The following CMIP variants were observed in gnomAD, a reference collection of about 807,000 sequenced individuals.
CMIP encodes C-Maf-inducing protein.
A neutral mutation model predicts 97.3 loss-of-function variants in CMIP; 13 were observed. The ratio of observed to expected loss-of-function variants is 0.13; its 90% CI spans 0.09 to 0.21. CMIP has a LOEUF of 0.21. Among genes scored for constraint, CMIP ranks in the 10% least tolerant of loss-of-function variants. The pLI, the probability that CMIP is intolerant of heterozygous loss-of-function variation, is 1.00. For synonymous variants in CMIP, 538 were observed against 436.3 expected (o/e 1.23, Z -2.91); for missense variants, 847 against 1,024.9 (o/e 0.83, Z 2.37).
At chr16:81,454,231 C>T (rs1906409539) in intron 1 of CMIP, among the ~76,000 whole-genome samples, 2 of 152,174 alleles carry the variant, frequency 1.3e-5, no homozygotes, top group African/African-American at 4.8e-5. Context: ...GTGCCGGGCA[C>T]AGTGCTCATT....
chr16:81,487,402 G>C (rs576983175), intron 1 of CMIP, among the ~76,000 whole-genome samples: 5 of 152,292 alleles, frequency 3.3e-5, no homozygotes, highest in Admixed American at 3.3e-4. Context: ...CTCCACTCCC[G>C]AGGCCCCAGA....
At chr16:81,605,892 C>G (rs1468730157) in intron 1 of CMIP, among the ~76,000 whole-genome samples, 1 of 152,218 alleles carries the variant, frequency 6.6e-6, no homozygotes, top group East Asian at 1.9e-4. Context: ...AAATGTCTGT[C>G]AGATGAATGA....
intron 1 of CMIP, among the ~76,000 whole-genome samples, chr16:81,559,102 G>A (rs988357941): frequency 7.2e-5 from 11 of 152,212 alleles, no homozygotes; most frequent in Admixed American, 4.6e-4. Flanking sequence ...TTCTGTGTGC[G>A]GCTTCCAGCT....
At chr16:81,669,171 C>T (rs1304507028) in intron 7 of CMIP, among the ~76,000 whole-genome samples, 1 of 134,860 alleles carries the variant, frequency 7.4e-6, no homozygotes. Flanking sequence ...CTCTCACCTC[C>T]TTCCACACCC....
intron 10 of CMIP, among the ~76,000 whole-genome samples, chr16:81,687,440 T>C (rs898922064): frequency 7.9e-5 from 12 of 152,314 alleles, no homozygotes; most frequent in African/African-American, 2.9e-4. Flanking sequence ...ACTGACTACC[T>C]CTGGGTTTGT....
intron 1 of CMIP, among the ~76,000 whole-genome samples, chr16:81,502,491 G>C (rs906980510): frequency 2.6e-5 from 4 of 152,204 alleles, no homozygotes; most frequent in African/African-American, 7.2e-5. Context: ...GTTACCCGCA[G>C]AACGGAGATG....
chr16:81,486,330 T>C (rs2089313693), intron 1 of CMIP, among the ~76,000 whole-genome samples: 1 of 152,026 alleles, frequency 6.6e-6, no homozygotes, highest in Non-Finnish European at 1.5e-5. Context: ...GTCCATCCAC[T>C]AGGCCTCAGA....
chr16:81,454,883 T>C (rs1159762792), intron 1 of CMIP, among the ~76,000 whole-genome samples: 1 of 152,058 alleles, frequency 6.6e-6, no homozygotes, highest in Non-Finnish European at 1.5e-5. Context: ...GGATGGAGAC[T>C]GATGGAGATG....
At chr16:81,581,588 G>A (rs2091297026) in intron 1 of CMIP, among the ~76,000 whole-genome samples, 1 of 152,230 alleles carries the variant, frequency 6.6e-6, no homozygotes. Context: ...TTGTTATGCA[G>A]TGCTTGGCTG....
chr16:81,458,381 G>A (rs1906692075), intron 1 of CMIP, among the ~76,000 whole-genome samples: 1 of 152,202 alleles, frequency 6.6e-6, no homozygotes, highest in African/African-American at 2.4e-5. Context: ...AAGACGAACA[G>A]TCTGGGGTTC....
At chr16:81,531,956 G>T (rs1379105871) in intron 1 of CMIP, among the ~76,000 whole-genome samples, 1 of 152,162 alleles carries the variant, frequency 6.6e-6, no homozygotes, top group Admixed American at 6.5e-5. Context: ...TGAAATGATT[G>T]CACTGCACAT....
At chr16:81,528,555 C>T (rs1178467546) in intron 1 of CMIP, among the ~76,000 whole-genome samples, 1 of 152,080 alleles carries the variant, frequency 6.6e-6, no homozygotes, top group African/African-American at 2.4e-5. Context: ...TTGAGTCAGC[C>T]TGGGAAATTA....
intron 15 of CMIP, 128 bp from the exon 16 acceptor site, chr16:81,701,520 GCCCAGGCTTACA>G (rs1395767722): frequency 8.6e-7 from 1 of 1,164,208 alleles, no homozygotes; most frequent in Non-Finnish European, 1.2e-6. Context: ...CAGGTGATTT[GCCCAGGCTTACA>G]CAGCCGGGGC....
intron 1 of CMIP, among the ~76,000 whole-genome samples, chr16:81,483,208 G>C (rs988447407): frequency 6.6e-6 from 1 of 152,208 alleles, no homozygotes; most frequent in Non-Finnish European, 1.5e-5. Flanking sequence ...CACTTGAGCA[G>C]GTTTGGAAAA....
chr16:81,652,204 A>G lies in CMIP; in HGVS notation c.479A>G (p.Lys160Arg). ...DQWFHSLQWKKKIYKYKKVLS... is the reference protein window; with the variant it reads ...DQWFHSLQWKRKIYKYKKVLS... ...TGTCTCTTTATCTCTTTCAACCAGA[A>G]AAAGATTTACAAATATAAGAAAGTG... Residue 160 changes from lysine (K) to arginine (R), a missense_variant and splice_region_variant, in exon 4 of 21, where the codon AAA becomes AGA. Coordinates refer to ENST00000537098, the MANE Select transcript of CMIP (RefSeq NM_198390.3). The surrounding 1 kb of genome is among the most constrained non-coding windows in gnomAD (Gnocchi z 5.2). 6.2e-7 allele frequency: 1 copy of G among 1,612,050 alleles called. No individual in the cohort carries two copies. Among genetic ancestry groups the G allele is most frequent in the Non-Finnish European group, 8.5e-7 (1 of 1,178,480 alleles).
chr16:81,469,928 C>T (rs571464756), intron 1 of CMIP, among the ~76,000 whole-genome samples: 2 of 152,268 alleles, frequency 1.3e-5, no homozygotes, highest in South Asian at 2.1e-4. Flanking sequence ...GTCTGCTGCA[C>T]CCTTGACCTT....
At chr16:81,631,819 G>C (rs141498237) in intron 3 of CMIP, 1 of 152,242 alleles carries the variant, frequency 6.6e-6, no homozygotes, top group African/African-American at 2.4e-5. Context: ...GTCCTGTTGC[G>C]TATATGCCTG....
chr16:81,621,119 G>T lies in CMIP; in HGVS notation c.477+193G>T, dbSNP rs940381997. The T allele has an allele frequency of 2.1e-5, 12 of 581,288 alleles. No individual in the cohort carries two copies. The highest frequency in any genetic ancestry group is 3.1e-5 in the Admixed American group (1 of 32,708). 36.0% of individuals were successfully genotyped at this position (581,288 alleles called of 1,614,324 possible). Reference sequence around the variant, plus strand: ...CTGTTCAATTCCTGTCCCCTGCAGTGCTGAAATAGCATTCTCGCCCTGGTG... The same window carrying T: ...CTGTTCAATTCCTGTCCCCTGCAGTTCTGAAATAGCATTCTCGCCCTGGTG... On this transcript the variant is annotated intron_variant, in intron 3 of 20. Coordinates refer to ENST00000537098, the MANE Select transcript of CMIP (RefSeq NM_198390.3). This position sits in a 1 kb window ranked among gnomAD's most constrained non-coding sequence, Gnocchi z 4.1.
chr16:81,648,607 A>G (rs904446305), intron 3 of CMIP, among the ~76,000 whole-genome samples: 4 of 151,910 alleles, frequency 2.6e-5, no homozygotes, highest in African/African-American at 9.7e-5. Context: ...AACATGGTGA[A>G]GCCCATCTCT....
Sources: allele counts gnomAD v4.1 joint callset (sites outside exome capture counted in the v4.1 genomes callset), GRCh38; gene constraint gnomAD v4.1.1; non-coding constraint Gnocchi (gnomAD v3.1); transcripts MANE v1.5; gene names NCBI Gene and HGNC (gene_info 2026-07-23, HGNC 2026-07-21).